Variants in CPQ observed in about 807,000 individuals in gnomAD.
The protein encoded by CPQ is carboxypeptidase Q, also known as Ser-Met dipeptidase.
In CPQ, 37 loss-of-function variants were observed where a neutral mutation model predicts 45.7. That is an observed-to-expected ratio of 0.81 (90% CI 0.62 to 1.07). The LOEUF is 1.07. CPQ is among the 50% of genes least tolerant of loss of function. The probability of loss-of-function intolerance (pLI) is 0.00; values close to 1 mark genes in which losing one functional copy is unlikely to be tolerated. For missense variants in CPQ, 537 were observed against 572.9 expected (o/e 0.94, Z 0.64); for synonymous variants, 186 against 205.8 (o/e 0.90, Z 0.82).
chr8:97,141,905 A>G (rs1350666544), intron 7 of CPQ, among the ~76,000 whole-genome samples: 3 of 152,214 alleles, frequency 2.0e-5, no homozygotes, highest in Non-Finnish European at 4.4e-5. Flanking sequence ...ATTAAACTGT[A>G]TATCTGTACA....
chr8:96,764,488 T>G (rs963127961), intron 1 of CPQ, among the ~76,000 whole-genome samples: 2 of 152,204 alleles, frequency 1.3e-5, no homozygotes, highest in Non-Finnish European at 2.9e-5. Context: ...TTATTTTAAC[T>G]GTGATAATGG....
intron 4 of CPQ, among the ~76,000 whole-genome samples, chr8:96,928,286 T>C (rs1300661126): frequency 6.6e-6 from 1 of 151,792 alleles, no homozygotes; most frequent in Non-Finnish European, 1.5e-5. Flanking sequence ...TTAAATTAAA[T>C]GGAGTTAACA....
chr8:97,065,609 C>T (rs1327142944), intron 6 of CPQ, among the ~76,000 whole-genome samples: 1 of 152,172 alleles, frequency 6.6e-6, no homozygotes, highest in African/African-American at 2.4e-5. Context: ...CAGAGCATAC[C>T]TTCTTTTGTC....
At chr8:97,035,124 C>G (rs1386725704) in intron 6 of CPQ, among the ~76,000 whole-genome samples, 1 of 152,132 alleles carries the variant, frequency 6.6e-6, no homozygotes, top group Non-Finnish European at 1.5e-5. Flanking sequence ...ATCTCTCGAC[C>G]TCGTGATCCA....
intron 3 of CPQ, among the ~76,000 whole-genome samples, chr8:96,844,693 T>C (rs186826073): frequency 7.2e-5 from 11 of 152,308 alleles, no homozygotes; most frequent in African/African-American, 2.6e-4. Context: ...CATCATTAGA[T>C]AGTGATGGGA....
intron 6 of CPQ, among the ~76,000 whole-genome samples, chr8:97,034,243 C>T (rs1424376302): frequency 6.6e-6 from 1 of 152,166 alleles, no homozygotes; most frequent in East Asian, 1.9e-4. Flanking sequence ...ATAACTCAAA[C>T]AGGAAGTGTT....
chr8:96,671,866 T>A (rs1446083347), intron 1 of CPQ, among the ~76,000 whole-genome samples: 1 of 152,146 alleles, frequency 6.6e-6, no homozygotes, highest in African/African-American at 2.4e-5. Context: ...TTCATTTTGA[T>A]GAGAAAATTG....
intron 4 of CPQ, among the ~76,000 whole-genome samples, chr8:96,899,059 G>A (rs1812481586): frequency 1.3e-5 from 2 of 152,110 alleles, no homozygotes; most frequent in African/African-American, 4.8e-5. Flanking sequence ...TGTCCAGGAG[G>A]CATCTAAGTT....
intron 5 of CPQ, among the ~76,000 whole-genome samples, chr8:96,973,033 G>T (rs2130375256): frequency 6.6e-6 from 1 of 152,174 alleles, no homozygotes; most frequent in South Asian, 2.1e-4. Flanking sequence ...AAACCAAGAT[G>T]AAATCTCCAA....
intron 1 of CPQ, among the ~76,000 whole-genome samples, chr8:96,744,846 A>G (rs549903479): frequency 8.5e-5 from 13 of 152,280 alleles, no homozygotes; most frequent in Non-Finnish European, 1.5e-4. Context: ...ATTCATTTCT[A>G]TCATCTTATA....
rs76615954 is a variant in CPQ, at chr8:97,032,861, A to T, written c.1053+3367A>T. ...ACAAACCATATATAATGAAGTTTTA[A>T]ATAATGTACTAAAAGTATTTTATTT... is the stretch of plus-strand genomic sequence containing the variant. On this transcript the variant is annotated intron_variant, in intron 6 of 7. Coordinates refer to ENST00000220763, the MANE Select transcript of CPQ (RefSeq NM_016134.4). Among the ~76,000 whole-genome samples the T allele has an allele frequency of 1.7e-3, 265 of 152,358 alleles. 3 individuals carry two copies. Among genetic ancestry groups the T allele is most frequent in the African/African-American group, 6.1e-3 (253 of 41,582 alleles).
At chr8:96,837,859 A>G (rs1644562555) in intron 3 of CPQ, among the ~76,000 whole-genome samples, 1 of 152,126 alleles carries the variant, frequency 6.6e-6, no homozygotes, top group South Asian at 2.1e-4. Flanking sequence ...CATTTCTAAC[A>G]GACACTGAGT....
At chr8:96,962,734 A>T (rs1048715506) in intron 4 of CPQ, among the ~76,000 whole-genome samples, 4 of 151,902 alleles carry the variant, frequency 2.6e-5, no homozygotes, top group African/African-American at 7.3e-5. Flanking sequence ...TTTGAGTGAA[A>T]CCTCCTGCAC....
chr8:97,012,468 T>A (rs1194496984), intron 5 of CPQ, among the ~76,000 whole-genome samples: 1 of 151,884 alleles, frequency 6.6e-6, no homozygotes, highest in Non-Finnish European at 1.5e-5. Context: ...AGGACGGGGG[T>A]CCTGGGAAAG....
chr8:96,886,025 T>A (rs143218159), intron 4 of CPQ, among the ~76,000 whole-genome samples: 1 of 152,216 alleles, frequency 6.6e-6, no homozygotes, highest in African/African-American at 2.4e-5. Flanking sequence ...GGTTTCACTT[T>A]GTGAAAATAG....
intron 3 of CPQ, among the ~76,000 whole-genome samples, chr8:96,842,489 G>C (rs997121455): frequency 8.8e-5 from 13 of 146,938 alleles, no homozygotes. Context: ...TAATCAAGCA[G>C]AATGCCAATT....
chr8:96,857,705 C>T (rs1811869236), intron 3 of CPQ, among the ~76,000 whole-genome samples: 2 of 152,074 alleles, frequency 1.3e-5, no homozygotes, highest in Admixed American at 1.3e-4. Flanking sequence ...GGGAACTGTT[C>T]CTAAAGGTTT....
At chr8:96,700,114 G>A (rs1158898576) in intron 1 of CPQ, among the ~76,000 whole-genome samples, 1 of 152,100 alleles carries the variant, frequency 6.6e-6, no homozygotes, top group Non-Finnish European at 1.5e-5. Flanking sequence ...AGCTTGGTGA[G>A]GTTGTTAGCA....
At chr8:96,738,406 TG>T (rs1428925525) in intron 1 of CPQ, among the ~76,000 whole-genome samples, 2 of 151,952 alleles carry the variant, frequency 1.3e-5, no homozygotes, top group African/African-American at 2.4e-5. Flanking sequence ...ATATGTAAAT[TG>T]TTTTTTTTTC....
Sources: gnomAD v4.1 joint callset for allele counts (sites outside exome capture counted in the v4.1 genomes callset) on GRCh38, gnomAD v4.1.1 for gene constraint, MANE v1.5 for transcripts, NCBI Gene and HGNC (gene_info 2026-07-23, HGNC 2026-07-21) for gene names.